Variants in PER2 observed in about 807,000 individuals in gnomAD.
The protein encoded by PER2 is period circadian regulator 2, also known as period circadian protein homolog 2.
Under a neutral mutation model 121.0 loss-of-function variants are expected in PER2, and 66 were observed. The ratio of observed to expected loss-of-function variants is 0.55; its 90% CI spans 0.45 to 0.67. The LOEUF (loss-of-function observed/expected upper bound fraction) is 0.67, where lower values mean the gene tolerates loss of function less well. PER2 is among the 30% of genes least tolerant of loss of function. PER2 has a pLI of 0.00. For synonymous variants in PER2, 684 were observed against 659.9 expected (o/e 1.04, Z -0.56); for missense variants, 1,521 against 1,635.0 (o/e 0.93, Z 1.20).
intron 21 of PER2, among the ~76,000 whole-genome samples, chr2:238,249,646 G>A (rs1695546027): frequency 6.6e-6 from 1 of 152,188 alleles, no homozygotes; most frequent in Non-Finnish European, 1.5e-5. Flanking sequence ...GTTTGGCTCT[G>A]TGTCCCCACA....
intron 5 of PER2, 106 bp downstream of exon 5, chr2:238,272,963 AC>A (rs1234359187): frequency 2.1e-5 from 21 of 1,010,832 alleles, no homozygotes; most frequent in Non-Finnish European, 3.0e-5. Context: ...ATCTGCTGAA[AC>A]CCCAAACACT....
At chr2:238,273,232 C>A (rs368683909) in intron 4 of PER2, 41 bp from the exon 5 acceptor site, 14 of 1,605,296 alleles carry the variant, frequency 8.7e-6, no homozygotes, top group South Asian at 6.7e-5. Context: ...CAGAACCCAG[C>A]GCTTGGCCGG....
At chr2:238,288,980 T>G (rs997180920), upstream of PER2, 1 of 152,206 alleles carries the variant, frequency 6.6e-6, no homozygotes, top group Non-Finnish European at 1.5e-5. Context: ...GGTTCCTCAA[T>G]GGAGACGCGG....
At chr2:238,258,472 G>C in intron 15 of PER2, 25 bp downstream of exon 15, 10 of 1,614,156 alleles carry the variant, frequency 6.2e-6, no homozygotes, top group Non-Finnish European at 8.5e-6. Context: ...AGATGGTGGA[G>C]ACTCGGCTGG....
At chr2:238,257,618 C>A (rs1695802370) in intron 16 of PER2, among the ~76,000 whole-genome samples, 1 of 152,204 alleles carries the variant, frequency 6.6e-6, no homozygotes, top group South Asian at 2.1e-4. Context: ...GGATTACAGG[C>A]ATGCACCATG....
intron 9 of PER2, among the ~76,000 whole-genome samples, chr2:238,264,957 A>G (rs1307635479): frequency 6.6e-6 from 1 of 152,126 alleles, no homozygotes; most frequent in African/African-American, 2.4e-5. Context: ...GTGTTTTTGG[A>G]GTCTTCATGC....
In PER2 at chr2:238,284,013, T is replaced by C. The variant is rs73088960; in HGVS notation, c.-20+4336A>G. ...TCTCGGACAAGTTCCTTAACCTCCC[T>C]GAGCCTTGTGTCCTCATTTGTGAGA... On this transcript the variant is annotated intron_variant, in intron 1 of 22. Coordinates refer to ENST00000254657, the MANE Select transcript of PER2 (RefSeq NM_022817.3). 3.6e-3 allele frequency among the ~76,000 whole-genome samples: 544 copies of C among 152,336 alleles called. 5 individuals carry two copies. Among genetic ancestry groups the C allele is most frequent in the African/African-American group, 0.012 (509 of 41,578 alleles).
upstream of PER2, among the ~76,000 whole-genome samples, chr2:238,290,844 T>C (rs1204421893): frequency 1.3e-5 from 2 of 152,042 alleles, no homozygotes; most frequent in Non-Finnish European, 2.9e-5. Context: ...GTGTAGGTCC[T>C]GAGGGAATAG....
intron 6 of PER2, 91 bp from the exon 7 acceptor site, chr2:238,269,065 C>A: frequency 9.8e-7 from 1 of 1,022,864 alleles, no homozygotes; most frequent in South Asian, 1.3e-5. Flanking sequence ...GCAGCAGAAT[C>A]AAGCAAGATT....
chr2:238,261,602 A>T lies in PER2; in HGVS notation c.1416+127T>A, dbSNP rs902808864. The stretch of plus-strand genomic sequence containing the variant: ...CTATGCCCAAACTGTCCCCTGGGGG[A>T]TGTTCAGAGAATGACAGATGAAGCT... On this transcript the variant is annotated intron_variant, in intron 12 of 22. Coordinates refer to ENST00000254657, the MANE Select transcript of PER2 (RefSeq NM_022817.3). 4.5e-5 allele frequency: 32 copies of T among 708,694 alleles called. No individual in the cohort carries two copies. In the African/African-American group the frequency reaches 5.2e-4, roughly 12 times the overall value. The allele number at this position is 708,694 out of a possible 1,614,324, so 43.9% of individuals were successfully genotyped here. A position where few individuals can be genotyped will look rare whatever the true frequency, so the allele number is the denominator to read the frequency against.
intron 4 of PER2, among the ~76,000 whole-genome samples, chr2:238,275,443 C>T (rs1484776711): frequency 6.6e-6 from 1 of 152,196 alleles, no homozygotes; most frequent in Non-Finnish European, 1.5e-5. Context: ...AATCCCAGAA[C>T]TTTGGGAGGC....
At chr2:238,251,815 A>C in intron 19 of PER2, 54 bp from the exon 20 acceptor site, 1 of 479,050 alleles carries the variant, frequency 2.1e-6, no homozygotes, top group Non-Finnish European at 4.2e-6. Flanking sequence ...AGGACACAGC[A>C]TATGCAGCGG....
rs1399490243 is a variant in PER2, at chr2:238,244,162, A to G, written c.*2213T>C. On this transcript the variant is annotated 3_prime_UTR_variant, in exon 23 of 23. Transcript: ENST00000254657. ...AGAAAGTTTGGTTTGCACACAAACA[A>G]ACCACTTGTCCAGCAAGGCTCAACA... The G allele has an allele frequency of 6.6e-6, 1 of 152,602 alleles. No homozygotes were observed. Among genetic ancestry groups the G allele is most frequent in the Non-Finnish European group, 1.5e-5 (1 of 68,040 alleles). 9.5% of individuals were successfully genotyped at this position (152,602 alleles called of 1,614,324 possible). A position where few individuals can be genotyped will look rare whatever the true frequency, so the allele number is the denominator to read the frequency against.
At chr2:238,280,476 A>G (rs1245868558) in intron 1 of PER2, among the ~76,000 whole-genome samples, 1 of 152,248 alleles carries the variant, frequency 6.6e-6, no homozygotes, top group African/African-American at 2.4e-5. Context: ...TTAAGACACC[A>G]TCTACTTTTC....
At chr2:238,261,169 C>T (rs189187781) in intron 12 of PER2, among the ~76,000 whole-genome samples, 5 of 152,328 alleles carry the variant, frequency 3.3e-5, no homozygotes, top group East Asian at 1.9e-4. Context: ...ATGCAGTCAC[C>T]GAGGAGACGG....
chr2:238,260,960 A>G lies in PER2; in HGVS notation c.1417-7T>C, dbSNP rs1200460290. The G allele has an allele frequency of 6.2e-7, 1 of 1,611,354 alleles. No individual in the cohort carries two copies. Among genetic ancestry groups the G allele is most frequent in the Non-Finnish European group, 8.5e-7 (1 of 1,179,824 alleles). On this transcript the variant is annotated splice_region_variant and splice_polypyrimidine_tract_variant and intron_variant, in intron 12 of 22. Transcript: ENST00000254657. ...AGCCGCTGTGGGGGACGGGCTGGGGAGACAGCAGACAGCGCTACAGACACA... is the reference window on the plus strand; with the variant it reads ...AGCCGCTGTGGGGGACGGGCTGGGGGGACAGCAGACAGCGCTACAGACACA...
chr2:238,281,633 G>A (rs2106328896), intron 1 of PER2, among the ~76,000 whole-genome samples: 1 of 152,330 alleles, frequency 6.6e-6, no homozygotes, highest in East Asian at 1.9e-4. Context: ...TTGTGAACTT[G>A]TAGAAAGAGG....
chr2:238,292,331 G>A (rs1051536280), upstream of PER2, among the ~76,000 whole-genome samples: 3 of 152,260 alleles, frequency 2.0e-5, no homozygotes, highest in African/African-American at 7.2e-5. Context: ...GAAGTCACAA[G>A]ATTGAGCCAT....
At chr2:238,255,487 G>A (rs1695732144) in intron 18 of PER2, 170 bp downstream of exon 18, 3 of 732,708 alleles carry the variant, frequency 4.1e-6, no homozygotes, top group Admixed American at 3.9e-5. Flanking sequence ...CACCCCCCCG[G>A]TGGGAAGTTC....
Sources: gnomAD v4.1 joint callset for allele counts (sites outside exome capture counted in the v4.1 genomes callset) on GRCh38, gnomAD v4.1.1 for gene constraint, MANE v1.5 for transcripts, NCBI Gene and HGNC (gene_info 2026-07-23, HGNC 2026-07-21) for gene names.